ANXA8: variants seen among roughly 807,000 people sequenced by gnomAD.
ANXA8 encodes VAC-beta.
Under a neutral mutation model 26.8 loss-of-function variants are expected in ANXA8, and 9 were observed. The ratio of observed to expected loss-of-function variants is 0.34; its 90% CI spans 0.20 to 0.59. The LOEUF (loss-of-function observed/expected upper bound fraction) is 0.59, where lower values mean the gene tolerates loss of function less well. ANXA8 is among the 20% of genes least tolerant of loss of function. The pLI, the probability that ANXA8 is intolerant of heterozygous loss-of-function variation, is 0.84. For missense variants in ANXA8, 83 were observed against 238.5 expected (o/e 0.35, Z 4.29); for synonymous variants, 39 against 94.8 (o/e 0.41, Z 3.42).
chr10:47,489,967 A>G, the ANXA8 span, among the ~76,000 whole-genome samples: 4,232 of 150,506 alleles, frequency 0.028, 249 homozygotes, highest in African/African-American at 0.098. Context: ...GACGAGCTCA[A>G]TGAGCCCCAT....
At chr10:47,632,238 T>C in the ANXA8 span, among the ~76,000 whole-genome samples, 1 of 150,474 alleles carries the variant, frequency 6.6e-6, no homozygotes, top group Non-Finnish European at 1.5e-5. Flanking sequence ...GGAAAAATAA[T>C]AGAATTAAAA....
chr10:47,496,793 T>TA, the ANXA8 span, among the ~76,000 whole-genome samples: 2 of 149,524 alleles, frequency 1.3e-5, no homozygotes, highest in Non-Finnish European at 3.0e-5. Flanking sequence ...GGACTGAAGT[T>TA]ACGAACTTTT....
the ANXA8 span, among the ~76,000 whole-genome samples, chr10:47,975,318 G>C: frequency 5.4e-4 from 81 of 149,160 alleles, 2 homozygotes; most frequent in African/African-American, 1.8e-3. Flanking sequence ...CTGCAGGAGG[G>C]GTGAGGTGGC....
the ANXA8 span, chr10:47,491,820 C>T: frequency 3.6e-5 from 25 of 686,440 alleles, no homozygotes; most frequent in African/African-American, 3.0e-4. Flanking sequence ...TCAGTGAGGG[C>T]GGCAGCAGGA....
the ANXA8 span, among the ~76,000 whole-genome samples, chr10:47,689,337 C>T: frequency 2.0e-4 from 30 of 151,748 alleles, no homozygotes; most frequent in East Asian, 3.8e-3. Flanking sequence ...TGCTACCACG[C>T]CCAGCTAATT....
At chr10:47,586,609 C>T in the ANXA8 span, among the ~76,000 whole-genome samples, 2 of 146,052 alleles carry the variant, frequency 1.4e-5, no homozygotes, top group Non-Finnish European at 2.9e-5. Flanking sequence ...CCTGCAGGCT[C>T]ACATTCCACT....
the ANXA8 span, among the ~76,000 whole-genome samples, chr10:47,733,218 TTTCTCTTTCTTTCTC>T: frequency 2.1e-5 from 2 of 95,300 alleles, no homozygotes; most frequent in East Asian, 5.2e-4. Context: ...TCTTTCTTTC[TTTCTCTTTCTTTCTC>T]TCTTTCTTTC....
the ANXA8 span, among the ~76,000 whole-genome samples, chr10:47,733,231 C>T: frequency 9.9e-3 from 727 of 73,304 alleles, no homozygotes; most frequent in East Asian, 0.022. Context: ...CTCTTTCTTT[C>T]TCTCTTTCTT....
chr10:47,952,166 C>A, the ANXA8 span, among the ~76,000 whole-genome samples: 1 of 151,232 alleles, frequency 6.6e-6, no homozygotes, highest in Non-Finnish European at 1.5e-5. Flanking sequence ...CAGGTATTAT[C>A]AAATTTGATA....
At chr10:47,937,123 C>A in the ANXA8 span, among the ~76,000 whole-genome samples, 1 of 149,370 alleles carries the variant, frequency 6.7e-6, no homozygotes, top group East Asian at 1.9e-4. Flanking sequence ...GCCCAGATCA[C>A]CCCCTACAAT....
chr10:47,591,605 G>T, the ANXA8 span, among the ~76,000 whole-genome samples: 2 of 144,344 alleles, frequency 1.4e-5, no homozygotes, highest in African/African-American at 5.7e-5. Flanking sequence ...CACCAGGCCC[G>T]GCTAATTTTT....
At chr10:47,581,777 A>ATT in the ANXA8 span, among the ~76,000 whole-genome samples, 3 of 145,602 alleles carry the variant, frequency 2.1e-5, no homozygotes, top group Non-Finnish European at 4.5e-5. Context: ...AACTTTTTGT[A>ATT]TTTTTTTTTA....
chr10:47,985,165 T>C, the ANXA8 span, among the ~76,000 whole-genome samples: 1 of 149,724 alleles, frequency 6.7e-6, no homozygotes, highest in Admixed American at 6.6e-5. Context: ...GCAATAGACA[T>C]GAAGAGACAT....
chr10:47,606,100 G>T, the ANXA8 span, among the ~76,000 whole-genome samples: 1 of 138,332 alleles, frequency 7.2e-6, no homozygotes. Flanking sequence ...AACCAGATGG[G>T]TGAACATAAA....
At chr10:47,684,307 TACTC>T in the ANXA8 span, among the ~76,000 whole-genome samples, 2 of 152,282 alleles carry the variant, frequency 1.3e-5, no homozygotes, top group Admixed American at 1.3e-4. Flanking sequence ...CCTACTCACA[TACTC>T]ACAACTCCTA....
chr10:47,523,855 GCTC>G, the ANXA8 span, among the ~76,000 whole-genome samples: 1 of 150,098 alleles, frequency 6.7e-6, no homozygotes, highest in Non-Finnish European at 1.5e-5. Context: ...AACAGACGGA[GCTC>G]CTCCTCCTTC....
intron 1 of ANXA8, among the ~76,000 whole-genome samples, chr10:47,482,641 AG>A: frequency 6.9e-6 from 1 of 145,608 alleles, no homozygotes; most frequent in Middle Eastern, 3.3e-3. Flanking sequence ...GCAGGTTCCC[AG>A]CAGTCTGGTT....
At chr10:47,958,669 C>T in the ANXA8 span, among the ~76,000 whole-genome samples, 2 of 147,776 alleles carry the variant, frequency 1.4e-5, no homozygotes, top group Admixed American at 6.7e-5. Context: ...ACCCTAGAAG[C>T]CAGTTGTATT....
the ANXA8 span, among the ~76,000 whole-genome samples, chr10:47,527,566 C>T: frequency 2.0e-4 from 30 of 148,600 alleles, no homozygotes; most frequent in African/African-American, 5.3e-4. Context: ...AATAGGTACT[C>T]GACATGTATT....
Sources: allele counts gnomAD v4.1 joint callset (sites outside exome capture counted in the v4.1 genomes callset), GRCh38; gene constraint gnomAD v4.1.1; transcripts MANE v1.5; gene names NCBI Gene and HGNC (gene_info 2026-07-23, HGNC 2026-07-21).